The following SLC9A9 variants were observed in gnomAD, a reference collection of about 807,000 sequenced individuals.
SLC9A9 encodes solute carrier family 9 member A9, also known as sodium/hydrogen exchanger 9.
Under a neutral mutation model 77.8 loss-of-function variants are expected in SLC9A9, and 62 were observed. The observed-to-expected ratio is 0.80, with a 90% CI of 0.65 to 0.98. The LOEUF (loss-of-function observed/expected upper bound fraction) is 0.98. Ranked by LOEUF, SLC9A9 falls within the 50% of genes least tolerant of loss-of-function variation. The probability of loss-of-function intolerance (pLI) is 0.00; values close to 1 mark genes in which losing one functional copy is unlikely to be tolerated. For synonymous variants in SLC9A9, 320 were observed against 283.5 expected (o/e 1.13, Z -1.29); for missense variants, 775 against 774.9 (o/e 1.00, Z 0.00).
At chr3:143,800,763 A>C (rs1239040042) in intron 2 of SLC9A9, among the ~76,000 whole-genome samples, 1 of 152,140 alleles carries the variant, frequency 6.6e-6, no homozygotes, top group East Asian at 1.9e-4. Flanking sequence ...TCTACTTTGT[A>C]GTCCCTCCTT....
chr3:143,339,158 A>G (rs2032015435), intron 14 of SLC9A9, among the ~76,000 whole-genome samples: 1 of 152,142 alleles, frequency 6.6e-6, no homozygotes, highest in Admixed American at 6.5e-5. Context: ...CCTGCCACCA[A>G]TGGTGGCAAT....
At chr3:143,837,807 A>T (rs778647427) in intron 1 of SLC9A9, among the ~76,000 whole-genome samples, 3 of 152,198 alleles carry the variant, frequency 2.0e-5, no homozygotes, top group Non-Finnish European at 2.9e-5. Flanking sequence ...AGGTTTTCAC[A>T]TCCTACAGGA....
At chr3:143,412,481 A>C (rs1445328868) in intron 12 of SLC9A9, among the ~76,000 whole-genome samples, 1 of 152,138 alleles carries the variant, frequency 6.6e-6, no homozygotes, top group Non-Finnish European at 1.5e-5. Context: ...TTATCAGACC[A>C]GGCTCCTTCT....
chr3:143,701,190 A>G (rs1933791070), intron 4 of SLC9A9, among the ~76,000 whole-genome samples: 1 of 152,192 alleles, frequency 6.6e-6, no homozygotes, highest in African/African-American at 2.4e-5. Context: ...TATGGGTACT[A>G]TCAAGTCCAG....
At chr3:143,442,235 T>C (rs2108545520) in intron 12 of SLC9A9, among the ~76,000 whole-genome samples, 1 of 152,270 alleles carries the variant, frequency 6.6e-6, no homozygotes, top group East Asian at 1.9e-4. Context: ...TACAAAACAG[T>C]TTCTGAAAGG....
At chr3:143,290,300 C>T (rs1388012500) in intron 14 of SLC9A9, among the ~76,000 whole-genome samples, 1 of 152,210 alleles carries the variant, frequency 6.6e-6, no homozygotes, top group Admixed American at 6.5e-5. Context: ...ACCTGCCAGG[C>T]CTCCCCTACC....
At chr3:143,639,682 C>T (rs1265978323) in intron 6 of SLC9A9, among the ~76,000 whole-genome samples, 1 of 152,172 alleles carries the variant, frequency 6.6e-6, no homozygotes, top group Non-Finnish European at 1.5e-5. Flanking sequence ...TTACCAAGCA[C>T]TTCAAAATTT....
At chr3:143,634,001 C>G (rs2108729843) in intron 6 of SLC9A9, among the ~76,000 whole-genome samples, 1 of 152,294 alleles carries the variant, frequency 6.6e-6, no homozygotes, top group East Asian at 1.9e-4. Context: ...GCTTGGGTTT[C>G]ACATTCTTTC....
intron 5 of SLC9A9, among the ~76,000 whole-genome samples, chr3:143,680,000 C>T (rs1299088747): frequency 4.6e-5 from 7 of 151,900 alleles, no homozygotes; most frequent in Non-Finnish European, 8.8e-5. Flanking sequence ...TTGAGGAACT[C>T]CTCCAGCAGG....
intron 4 of SLC9A9, among the ~76,000 whole-genome samples, chr3:143,771,677 G>A (rs1463336138): frequency 1.3e-5 from 2 of 152,194 alleles, no homozygotes; most frequent in Non-Finnish European, 2.9e-5. Context: ...ACTGGAATTT[G>A]GAGTACACTT....
At chr3:143,739,243 C>T in intron 4 of SLC9A9, among the ~76,000 whole-genome samples, 1 of 152,226 alleles carries the variant, frequency 6.6e-6, no homozygotes, top group Admixed American at 6.5e-5. Flanking sequence ...TAATAATGAG[C>T]TTGTCATCAC....
chr3:143,728,898 G>T (rs917466372), intron 4 of SLC9A9, among the ~76,000 whole-genome samples: 2 of 151,900 alleles, frequency 1.3e-5, no homozygotes, highest in Non-Finnish European at 2.9e-5. Flanking sequence ...CATTAGAGGG[G>T]AGTGGGTGAT....
At chr3:143,675,871 CTCT>C (rs1932866786) in intron 5 of SLC9A9, among the ~76,000 whole-genome samples, 1 of 151,944 alleles carries the variant, frequency 6.6e-6, no homozygotes, top group Non-Finnish European at 1.5e-5. Context: ...TTTGGTATGT[CTCT>C]CTTTTTTCCA....
intron 2 of SLC9A9, among the ~76,000 whole-genome samples, chr3:143,830,176 C>T (rs530277597): frequency 4.6e-5 from 7 of 152,216 alleles, no homozygotes; most frequent in Non-Finnish European, 8.8e-5. Flanking sequence ...ATCTTTTCCC[C>T]TTAAAGCCAT....
At chr3:143,565,256 C>T (rs2037149773) in intron 8 of SLC9A9, among the ~76,000 whole-genome samples, 1 of 152,166 alleles carries the variant, frequency 6.6e-6, no homozygotes, top group Non-Finnish European at 1.5e-5. Context: ...ACTGACCCAA[C>T]AGACATAAAA....
chr3:143,527,888 C>T (rs2036431510), intron 9 of SLC9A9, among the ~76,000 whole-genome samples: 1 of 152,076 alleles, frequency 6.6e-6, no homozygotes, highest in Non-Finnish European at 1.5e-5. Flanking sequence ...CACTTGATGT[C>T]AAGAACTGGG....
chr3:143,579,536 T>G (rs1353051586), intron 6 of SLC9A9, among the ~76,000 whole-genome samples: 1 of 152,212 alleles, frequency 6.6e-6, no homozygotes, highest in Non-Finnish European at 1.5e-5. Context: ...ATGAACTCCA[T>G]ATTGAGCATT....
In SLC9A9 at chr3:143,349,565, C is replaced by A. The variant is rs10446324; in HGVS notation, c.1604+13919G>T. On this transcript the variant is annotated intron_variant, in intron 14 of 15. Transcript: ENST00000316549. ...TGCAAGATAGGTATTATCATTGTCACTGTCCCCATTTTACAGATTATGAAA... is the reference window on the plus strand; with the variant it reads ...TGCAAGATAGGTATTATCATTGTCAATGTCCCCATTTTACAGATTATGAAA... Among the ~76,000 whole-genome samples the A allele has an allele frequency of 3.4e-4, 51 of 152,186 alleles. No individual in the cohort carries two copies. The East Asian group carries it at 9.1e-3, about 27-fold the overall frequency.
intron 14 of SLC9A9, among the ~76,000 whole-genome samples, chr3:143,324,311 T>G (rs142731234): frequency 6.6e-6 from 1 of 152,200 alleles, no homozygotes; most frequent in Admixed American, 6.5e-5. Flanking sequence ...CAGCACATCC[T>G]GGATCCTGAA....
Sources: allele counts gnomAD v4.1 joint callset (sites outside exome capture counted in the v4.1 genomes callset), GRCh38; gene constraint gnomAD v4.1.1; transcripts MANE v1.5; gene names NCBI Gene and HGNC (gene_info 2026-07-23, HGNC 2026-07-21).